ETF1: variants seen among roughly 807,000 people sequenced by gnomAD.
The protein encoded by ETF1 is eukaryotic peptide chain release factor subunit 1.
In ETF1, 4 loss-of-function variants were observed where a neutral mutation model predicts 55.1. The observed-to-expected ratio is 0.07, with a 90% CI of 0.04 to 0.17. The LOEUF is 0.17. Ranked by LOEUF, ETF1 falls within the 10% of genes least tolerant of loss-of-function variation. ETF1 has a pLI of 1.00. For missense variants in ETF1, 142 were observed against 523.6 expected (o/e 0.27, Z 7.11); for synonymous variants, 157 against 182.3 (o/e 0.86, Z 1.12).
chr5:138,541,745 A>C, intron 2 of ETF1: 6 of 545,868 alleles, frequency 1.1e-5, no homozygotes, highest in Non-Finnish European at 7.3e-6. Flanking sequence ...GTATGTAATA[A>C]TGTTCCAAAC....
chr5:138,542,822 G>A lies in ETF1; in HGVS notation c.86+11C>T, dbSNP rs369411435. 11 of 1,611,898 alleles carry A rather than the reference G, an allele frequency of 6.8e-6. No homozygotes were observed. The highest frequency in any genetic ancestry group is 7.6e-6 in the Non-Finnish European group (9 of 1,179,624). ...CAAGAGGGCACGGAGGGTGCCGGAC[G>A]CGGCGCTCACCCGCGGGCCGCCTCC... On this transcript the variant is annotated intron_variant, in intron 2 of 10. Coordinates refer to ENST00000360541, the MANE Select transcript of ETF1 (RefSeq NM_004730.4).
At chr5:138,521,438 G>A (rs1437827147) in intron 2 of ETF1, among the ~76,000 whole-genome samples, 2 of 152,182 alleles carry the variant, frequency 1.3e-5, no homozygotes, top group African/African-American at 4.8e-5. Flanking sequence ...CTATACACTT[G>A]TAAATGGTTA....
intron 2 of ETF1, among the ~76,000 whole-genome samples, chr5:138,541,905 A>G (rs1456808542): frequency 6.6e-6 from 1 of 152,012 alleles, no homozygotes; most frequent in Non-Finnish European, 1.5e-5. Context: ...ACACACACAC[A>G]CAGCTAATTT....
intron 2 of ETF1, among the ~76,000 whole-genome samples, chr5:138,537,765 A>G (rs1326889988): frequency 6.8e-6 from 1 of 147,180 alleles, no homozygotes; most frequent in Non-Finnish European, 1.5e-5. Context: ...TATTTTTAGT[A>G]GAGACAGGGT....
At chr5:138,536,377 G>A (rs1304165065) in intron 2 of ETF1, among the ~76,000 whole-genome samples, 2 of 152,210 alleles carry the variant, frequency 1.3e-5, no homozygotes, top group African/African-American at 4.8e-5. Context: ...ATTGTGAGAA[G>A]AGTAAAGAGA....
At position 138,541,382 on chromosome 5, in the gene ETF1, A is replaced by C; in HGVS notation, c.86+1451T>G. ...ACTAACAAGCCGCTGTCTTCGATTC[A>C]TATTAAACTAACGTTTCTCCAGTAA... On this transcript the variant is annotated intron_variant, in intron 2 of 10. Transcript: ENST00000360541. The C allele has an allele frequency of 3.2e-6, 2 of 625,128 alleles. 1 individual carries two copies. Among genetic ancestry groups the C allele is most frequent in the South Asian group, 3.8e-5 (2 of 53,136 alleles). The allele number at this position is 625,128 out of a possible 1,614,324, so 38.7% of individuals were successfully genotyped here.
intron 2 of ETF1, among the ~76,000 whole-genome samples, chr5:138,525,330 G>C (rs1765423372): frequency 6.6e-6 from 1 of 151,352 alleles, no homozygotes; most frequent in Non-Finnish European, 1.5e-5. Context: ...GCTAATTTTT[G>C]TATTTTTAGT....
rs1408125579 is a variant in ETF1, at chr5:138,542,904, G to A, written c.15C>T (p.Pro5=). 2.5e-6 allele frequency: 4 copies of A among 1,613,642 alleles called. No homozygotes were observed. Among genetic ancestry groups the A allele is most frequent in the African/African-American group, 2.7e-5 (2 of 75,036 alleles). The change falls in exon 2 of 11, where the codon CCC becomes CCT. Residue 5 remains proline, a synonymous_variant. Transcript: ENST00000360541. MADD[P]SAADRNVEIW... ...TCTCCACGTTCCTGTCGGCAGCACT[G>A]GGGTCGTCCGCCATCTTCTCGCCTC...
intron 4 of ETF1, among the ~76,000 whole-genome samples, chr5:138,514,888 G>A (rs1764953845): frequency 6.6e-6 from 1 of 152,178 alleles, no homozygotes; most frequent in African/African-American, 2.4e-5. Flanking sequence ...TACACACTTA[G>A]TTGATCTCTA....
In ETF1 at chr5:138,536,425, C is replaced by G. The variant is rs533863602; in HGVS notation, c.86+6408G>C. On this transcript the variant is annotated intron_variant, in intron 2 of 10. Coordinates refer to ENST00000360541, the MANE Select transcript of ETF1 (RefSeq NM_004730.4). ...GTGTGTCAAATGGCATAAGATAAAA[C>G]CGTATCAGAGGGAGCTTCATCATAC... Among the ~76,000 whole-genome samples the G allele has an allele frequency of 8.5e-5, 13 of 152,242 alleles. No homozygotes were observed. In the South Asian group the frequency reaches 2.5e-3, roughly 29 times the overall value.
intron 7 of ETF1, 72 bp downstream of exon 7, chr5:138,511,399 CACAT>C (rs57857569): frequency 0.2 from 121,415 of 595,162 alleles, 1,667 homozygotes; most frequent in East Asian, 0.34. Context: ...TACACACACA[CACAT>C]ACACACACAC....
chr5:138,518,911 A>G (rs747887359), intron 2 of ETF1, 44 bp from the exon 3 acceptor site: 1 of 1,600,174 alleles, frequency 6.2e-7, no homozygotes, highest in South Asian at 1.1e-5. Context: ...AATATCATGT[A>G]AGTAAACTCA....
chr5:138,513,616 T>A lies in ETF1; in HGVS notation c.493A>T (p.Thr165Ser). Residue 165 changes from threonine to serine, a missense_variant, in exon 5 of 11, where the codon ACA (threonine) becomes TCA (serine). Transcript: ENST00000360541. ...GALFGTLQGN[T>S]REVLHKFTVD... The stretch of plus-strand genomic sequence containing the variant: ...GTGAATTTGTGCAGGACTTCTCTTG[T>A]GTTTCCTTGGAGTGTGCCAAAAAGT... The A allele has an allele frequency of 1.9e-6, 3 of 1,611,240 alleles. No individual in the cohort carries two copies. The highest frequency in any genetic ancestry group is 2.5e-6 in the Non-Finnish European group (3 of 1,177,566).
rs1765174084 is a variant in ETF1, at chr5:138,520,093, G to C, written c.87-1226C>G. On this transcript the variant is annotated intron_variant, in intron 2 of 10. Transcript: ENST00000360541. ...TAGCAAAAGAAAAGAACTAAAATCA[G>C]AGCAGAACTGAACAAAATTAAGACC... is the stretch of plus-strand genomic sequence containing the variant. Among the ~76,000 whole-genome samples, 4 of 143,698 alleles carry C rather than the reference G, an allele frequency of 2.8e-5. No homozygotes were observed. The South Asian group carries it at 7.0e-4, about 25-fold the overall frequency. 94.3% of individuals were successfully genotyped at this position (143,698 alleles called of 152,430 possible). A position where few individuals can be genotyped will look rare whatever the true frequency, so the allele number is the denominator to read the frequency against.
Position 138,532,025 on chromosome 5 carries a change from G to A in ETF1, c.86+10808C>T, listed in dbSNP as rs111426660. On this transcript the variant is annotated intron_variant, in intron 2 of 10. Transcript: ENST00000360541. ...CGAGCCACTGCACTCCAACTTGGGC[G>A]ACAGAGCGAGACTCCGCCTCAAAAA... 4.6e-3 allele frequency among the ~76,000 whole-genome samples: 703 copies of A among 151,198 alleles called. 4 individuals are homozygous for A. Among genetic ancestry groups the A allele is most frequent in the South Asian group, 0.036 (174 of 4,778 alleles).
intron 2 of ETF1, among the ~76,000 whole-genome samples, chr5:138,526,314 C>A (rs1265077148): frequency 6.6e-6 from 1 of 152,134 alleles, no homozygotes; most frequent in Non-Finnish European, 1.5e-5. Context: ...CGAAAATAAA[C>A]CCCCTATATT....
At chr5:138,540,482 TAG>T (rs1018231624) in intron 2 of ETF1, among the ~76,000 whole-genome samples, 4 of 152,222 alleles carry the variant, frequency 2.6e-5, no homozygotes, top group African/African-American at 9.7e-5. Context: ...TATGAAAATC[TAG>T]AGTCTGACTT....
At position 138,511,387 on chromosome 5, in the gene ETF1, CAT is replaced by C. The variant is rs1764770502; in HGVS notation, c.862+86_862+87del. 4 of 1,393,206 alleles carry C rather than the reference CAT, an allele frequency of 2.9e-6. No homozygotes were observed. The African/African-American group carries it at 6.7e-5, about 23-fold the overall frequency. The allele number at this position is 1,393,206 out of a possible 1,614,324, so 86.3% of individuals were successfully genotyped here. A position where few individuals can be genotyped will look rare whatever the true frequency, so the allele number is the denominator to read the frequency against. On this transcript the variant is annotated intron_variant, in intron 7 of 10. Coordinates refer to ENST00000360541, the MANE Select transcript of ETF1 (RefSeq NM_004730.4). ...CTTGTCTCATACATACAATCACGTA[CAT>C]ACACACACACACATACACACACACA...
In ETF1 at chr5:138,512,254, ATATAT is replaced by A. The variant is rs1193814676; in HGVS notation, c.732+505_732+509del. Among the ~76,000 whole-genome samples the A allele has an allele frequency of 5.0e-4, 9 of 17,928 alleles. 1 individual carries two copies. Among genetic ancestry groups the A allele is most frequent in the African/African-American group, 1.9e-3 (8 of 4,214 alleles). The allele number at this position is 17,928 out of a possible 152,430, so 11.8% of individuals were successfully genotyped here. A position where few individuals can be genotyped will look rare whatever the true frequency, so the allele number is the denominator to read the frequency against. ...TATATATATATATATATATATATAT[ATATAT>A]TTTTTTTTTTTTTTAAAGGCAATTT... On this transcript the variant is annotated intron_variant, in intron 6 of 10. Coordinates refer to ENST00000360541, the MANE Select transcript of ETF1 (RefSeq NM_004730.4).
Sources: allele counts gnomAD v4.1 joint callset (sites outside exome capture counted in the v4.1 genomes callset), GRCh38; gene constraint gnomAD v4.1.1; transcripts MANE v1.5; gene names NCBI Gene and HGNC (gene_info 2026-07-23, HGNC 2026-07-21).